Variants in PITPNM3 observed in about 807,000 individuals in gnomAD.
PITPNM3 encodes PITPNM family member 3.
In PITPNM3, 26 loss-of-function variants were observed where a neutral mutation model predicts 102.0. That is an observed-to-expected ratio of 0.25 (90% CI 0.19 to 0.35). PITPNM3 has a LOEUF of 0.35. PITPNM3 is among the 10% of genes least tolerant of loss of function. PITPNM3 has a pLI of 1.00. For synonymous variants in PITPNM3, 578 were observed against 558.6 expected (o/e 1.03, Z -0.49); for missense variants, 1,083 against 1,346.1 (o/e 0.80, Z 3.06).
intron 4 of PITPNM3, among the ~76,000 whole-genome samples, chr17:6,489,289 A>T (rs928770589): frequency 6.6e-6 from 1 of 152,094 alleles, no homozygotes. Context: ...GGCTAAAGCC[A>T]AACACTCAGT....
chr17:6,487,443 CAAGATGGGCTGA>C (rs1906164621), intron 4 of PITPNM3, among the ~76,000 whole-genome samples: 1 of 152,152 alleles, frequency 6.6e-6, no homozygotes, highest in Non-Finnish European at 1.5e-5. Flanking sequence ...CCACAGCTGA[CAAGATGGGCTGA>C]TGGGGACATT....
At chr17:6,464,810 G>A (rs751838496) in intron 14 of PITPNM3, 39 bp from the exon 15 acceptor site, 10 of 1,601,032 alleles carry the variant, frequency 6.2e-6, no homozygotes, top group Non-Finnish European at 8.6e-6. Flanking sequence ...CCCTTGCAAG[G>A]GAGGCTCAAC....
chr17:6,516,250 T>A (rs995219151), intron 3 of PITPNM3, among the ~76,000 whole-genome samples: 1 of 152,084 alleles, frequency 6.6e-6, no homozygotes, highest in African/African-American at 2.4e-5. Context: ...AACGTGTGGT[T>A]AGAAAAGTCT....
Position 6,474,410 on chromosome 17 carries a change from C to G in PITPNM3, c.1258+22G>C, listed in dbSNP as rs775627216. 8 of 1,611,636 alleles carry G rather than the reference C, an allele frequency of 5.0e-6. No individual in the cohort carries two copies. The Admixed American group carries it at 1.0e-4, about 20-fold the overall frequency. ...CCTAGTGACGCACAGGCACCTCAGG[C>G]CCCAGCCCACACCATCCCTACCGTC... On this transcript the variant is annotated intron_variant, in intron 10 of 19. Coordinates refer to ENST00000262483, the MANE Select transcript of PITPNM3 (RefSeq NM_031220.4).
intron 1 of PITPNM3, among the ~76,000 whole-genome samples, chr17:6,542,723 G>A (rs748849734): frequency 7.9e-5 from 12 of 152,014 alleles, no homozygotes; most frequent in Non-Finnish European, 1.8e-4. Context: ...CCTTGTCAGC[G>A]ACAGGACCAA....
At position 6,470,754 on chromosome 17, in the gene PITPNM3, A is replaced by G. The variant is rs1905030924; in HGVS notation, c.1625-346T>C. Among the ~76,000 whole-genome samples the G allele has an allele frequency of 6.6e-6, 1 of 152,118 alleles. No homozygotes were observed. The highest frequency in any genetic ancestry group is 2.4e-5 in the African/African-American group (1 of 41,426). On this transcript the variant is annotated intron_variant, in intron 12 of 19. Coordinates refer to ENST00000262483, the MANE Select transcript of PITPNM3 (RefSeq NM_031220.4). The surrounding 1 kb of genome is among the most constrained non-coding windows in gnomAD (Gnocchi z 4.8). ...TGAGTCTATGTCTGGAAGGTTCAGC[A>G]CTTCCTTAATGGTCAGAGGTCAGAG...
At chr17:6,516,170 G>A (rs1045303890) in intron 3 of PITPNM3, among the ~76,000 whole-genome samples, 1 of 152,218 alleles carries the variant, frequency 6.6e-6, no homozygotes, top group Non-Finnish European at 1.5e-5. Context: ...TGGGTGAGCT[G>A]TTGGTTAGAG....
Position 6,469,477 on chromosome 17 carries a change from C to A in PITPNM3, c.1773+783G>T, listed in dbSNP as rs1026538689. ...CCCCCTGCCCAGCCCTGCTCTTCCG[C>A]ACGTGCAGGACACAGAACCACCTTA... On this transcript the variant is annotated intron_variant, in intron 13 of 19. Transcript: ENST00000262483. This position sits in a 1 kb window ranked among gnomAD's most constrained non-coding sequence, Gnocchi z 4.0. Among the ~76,000 whole-genome samples, 1 of 152,076 alleles carries A rather than the reference C, an allele frequency of 6.6e-6. No homozygotes were observed. Among genetic ancestry groups the A allele is most frequent in the Non-Finnish European group, 1.5e-5 (1 of 68,022 alleles).
chr17:6,474,790 A>G (rs912165640), intron 9 of PITPNM3, among the ~76,000 whole-genome samples, 186 bp from the exon 10 acceptor site: 6 of 152,246 alleles, frequency 3.9e-5, no homozygotes, highest in African/African-American at 1.4e-4. Flanking sequence ...GGCCTGGCTG[A>G]TATTTGGCTA....
At position 6,459,246 on chromosome 17, in the gene PITPNM3, C is replaced by T. The variant is rs1160338918; in HGVS notation, c.2491-1524G>A. On this transcript the variant is annotated intron_variant, in intron 18 of 19. Transcript: ENST00000262483. The surrounding 1 kb of genome is among the most constrained non-coding windows in gnomAD (Gnocchi z 5.0). ...AACTGTCTTTTCCTCACAAGGTCAT[C>T]TGGTGGCCAGTCTTTGTCTACTAGG... is the stretch of plus-strand genomic sequence containing the variant. Among the ~76,000 whole-genome samples, 1 of 152,162 alleles carries T rather than the reference C, an allele frequency of 6.6e-6. No homozygotes were observed. Among genetic ancestry groups the T allele is most frequent in the East Asian group, 1.9e-4 (1 of 5,190 alleles).
chr17:6,505,897 T>C (rs1315502336), intron 3 of PITPNM3, among the ~76,000 whole-genome samples: 2 of 152,128 alleles, frequency 1.3e-5, no homozygotes, highest in Admixed American at 1.3e-4. Flanking sequence ...AAAGATTCAT[T>C]CTGACTGAGG....
At chr17:6,535,367 C>T (rs1248643921) in intron 2 of PITPNM3, among the ~76,000 whole-genome samples, 4 of 152,186 alleles carry the variant, frequency 2.6e-5, no homozygotes, top group Middle Eastern at 3.2e-3. Flanking sequence ...GGCTTCACCT[C>T]TCACTGCCTT....
At chr17:6,464,574 C>T in intron 15 of PITPNM3, 81 bp downstream of exon 15, 1 of 1,416,688 alleles carries the variant, frequency 7.1e-7, no homozygotes, top group Non-Finnish European at 9.8e-7. Flanking sequence ...TCTTGACACC[C>T]TCACCCCACA....
Position 6,455,379 on chromosome 17 carries a change from T to C in PITPNM3, c.2884A>G (p.Ser962Gly). 1 of 1,591,740 alleles carries C rather than the reference T, an allele frequency of 6.3e-7. No homozygotes were observed. Among genetic ancestry groups the C allele is most frequent in the East Asian group, 2.3e-5 (1 of 44,402 alleles). ...KDHERPLPAL[S>G]WARGPPKFES... ...AACTTGGGGGGCCCACGCGCCCAGC[T>C]GAGCGCCGGCAGCGGCCGCTCGTGG... Residue 962 changes from serine (S) to glycine (G), a missense_variant, in exon 20 of 20, where the codon AGC (serine) becomes GGC (glycine). Physicochemically the swap from Ser to Gly is moderately conservative, Grantham distance 56. This residue lies in a region of PITPNM3 where 208 missense variants were observed against 178.2 expected (regional missense o/e 1.17). Transcript: ENST00000262483.
chr17:6,547,889 T>C (rs356047), intron 1 of PITPNM3, among the ~76,000 whole-genome samples: 88,569 of 151,746 alleles, frequency 0.58, 27,240 homozygotes, highest in African/African-American at 0.77. Flanking sequence ...CCACCATGCC[T>C]GGCTAATTTT....
At chr17:6,481,812 C>T (rs28607840) in intron 6 of PITPNM3, 4 of 137,026 alleles carry the variant, frequency 2.9e-5, no homozygotes, top group Admixed American at 7.5e-5. Flanking sequence ...GATGGATGGA[C>T]GGATGGATGG....
In PITPNM3 at chr17:6,477,127, C is replaced by T. The variant is rs148451236; in HGVS notation, c.987G>A (p.Leu329=). ...ACGGCCTCTTGGGCTCCTCATCCTCCAACCCACTGGAGATGTCAATGTTGC... is the reference window on the plus strand; with the variant it reads ...ACGGCCTCTTGGGCTCCTCATCCTCTAACCCACTGGAGATGTCAATGTTGC... ...SKSNIDISSG[L]EDEEPKRPLP... Residue 329 remains leucine (L), a synonymous_variant, in exon 9 of 20, where the codon TTG becomes TTA. Coordinates refer to ENST00000262483, the MANE Select transcript of PITPNM3 (RefSeq NM_031220.4). The T allele has an allele frequency of 8.2e-4, 1,322 of 1,614,224 alleles. 3 individuals carry two copies. The highest frequency in any genetic ancestry group is 9.8e-4 in the Admixed American group (59 of 60,030).
chr17:6,470,481 A>G lies in PITPNM3; in HGVS notation c.1625-73T>C. ...CACCCGAGGGGCAGCGGGGTCTCCC[A>G]TTGCACAGACTGGTGGTGGATGCCC... is the stretch of plus-strand genomic sequence containing the variant. On this transcript the variant is annotated intron_variant, in intron 12 of 19. Coordinates refer to ENST00000262483, the MANE Select transcript of PITPNM3 (RefSeq NM_031220.4). The surrounding 1 kb of genome is among the most constrained non-coding windows in gnomAD (Gnocchi z 4.8). 3.1e-5 allele frequency: 50 copies of G among 1,600,528 alleles called. No individual in the cohort carries two copies. The highest frequency in any genetic ancestry group is 4.1e-5 in the Non-Finnish European group (48 of 1,169,706).
At chr17:6,543,523 G>A (rs1317927171) in intron 1 of PITPNM3, among the ~76,000 whole-genome samples, 1 of 152,230 alleles carries the variant, frequency 6.6e-6, no homozygotes, top group African/African-American at 2.4e-5. Flanking sequence ...AGTGAGGAAC[G>A]CCCTGACCGT....
Sources: allele counts gnomAD v4.1 joint callset (sites outside exome capture counted in the v4.1 genomes callset), GRCh38; gene constraint gnomAD v4.1.1; regional missense constraint gnomAD v4.1.1; non-coding constraint Gnocchi (gnomAD v3.1); transcripts MANE v1.5; gene names NCBI Gene and HGNC (gene_info 2026-07-23, HGNC 2026-07-21).